The following RGS8 variants were observed in gnomAD, a reference collection of about 807,000 sequenced individuals.
The protein encoded by RGS8 is regulator of G protein signaling 8, also known as regulator of G-protein signaling 8.
A neutral mutation model predicts 21.7 loss-of-function variants in RGS8; 8 were observed. That is an observed-to-expected ratio of 0.37 (90% CI 0.22 to 0.66). The LOEUF (loss-of-function observed/expected upper bound fraction) is 0.66, where lower values mean the gene tolerates loss of function less well. Among genes scored for constraint, RGS8 ranks in the 30% least tolerant of loss-of-function variants. The pLI is 0.59. For missense variants in RGS8, 157 were observed against 217.9 expected (o/e 0.72, Z 1.76); for synonymous variants, 80 against 83.6 (o/e 0.96, Z 0.24).
the RGS8 span, among the ~76,000 whole-genome samples, chr1:182,740,387 C>T: frequency 6.6e-6 from 1 of 152,118 alleles, no homozygotes; most frequent in African/African-American, 2.4e-5. Context: ...TATACAGACA[C>T]ATCTAACTTT....
chr1:182,691,377 A>G, the RGS8 span, among the ~76,000 whole-genome samples: 1 of 152,172 alleles, frequency 6.6e-6, no homozygotes, highest in African/African-American at 2.4e-5. Context: ...ACGAAATGAA[A>G]TCTGGGCTTT....
the RGS8 span, among the ~76,000 whole-genome samples, chr1:182,720,833 A>G: frequency 3.3e-5 from 5 of 150,740 alleles, no homozygotes; most frequent in East Asian, 9.7e-4. Flanking sequence ...ATAATTATAC[A>G]TATATATCTG....
chr1:182,721,185 C>T, the RGS8 span, among the ~76,000 whole-genome samples: 5 of 150,996 alleles, frequency 3.3e-5, no homozygotes, highest in East Asian at 9.7e-4. Flanking sequence ...CATGACAGAA[C>T]CCCCAATTTA....
At chr1:182,749,541 G>A in the RGS8 span, among the ~76,000 whole-genome samples, 1 of 152,066 alleles carries the variant, frequency 6.6e-6, no homozygotes, top group Non-Finnish European at 1.5e-5. Context: ...CTCCAGCTTT[G>A]CTCTTTTTAC....
downstream of RGS8, chr1:182,645,346 T>TA (rs1645291358): frequency 1.3e-5 from 2 of 152,236 alleles, no homozygotes; most frequent in Admixed American, 1.3e-4. Context: ...ACCAGCCTCT[T>TA]ACATGCCCCT....
chr1:182,685,091 C>CA (rs34359463), upstream of RGS8, among the ~76,000 whole-genome samples: 3,974 of 137,016 alleles, frequency 0.029, 63 homozygotes, highest in Non-Finnish European at 0.044. Flanking sequence ...CTCAAAGAGG[C>CA]AAAAAAAAAA....
chr1:182,693,323 C>T, the RGS8 span, among the ~76,000 whole-genome samples: 58 of 152,262 alleles, frequency 3.8e-4, no homozygotes, highest in Admixed American at 2.5e-3. Flanking sequence ...TGAACAGACA[C>T]TTTTCAAAAG....
rs572031148 is a variant in RGS8 at position 182,662,913 on chromosome 1, G to A, written c.193+3056C>T. On this transcript the variant is annotated intron_variant, in intron 5 of 6. Coordinates refer to ENST00000483095, the Ensembl canonical transcript of RGS8. ...TAAATGAGTGCCCAAAACACCCAACGGAACAGGGATGGCAAAGATGTCCTG... is the reference window on the plus strand; with the variant it reads ...TAAATGAGTGCCCAAAACACCCAACAGAACAGGGATGGCAAAGATGTCCTG... Among the ~76,000 whole-genome samples the A allele has an allele frequency of 1.3e-4, 20 of 151,856 alleles. No homozygotes were observed. The South Asian group carries it at 2.7e-3, about 21-fold the overall frequency.
chr1:182,748,769 CTGTTT>C, the RGS8 span, among the ~76,000 whole-genome samples: 2 of 152,062 alleles, frequency 1.3e-5, no homozygotes, highest in Non-Finnish European at 2.9e-5. Flanking sequence ...AGCACTTGTT[CTGTTT>C]TGTCTTTTTT....
the RGS8 span, among the ~76,000 whole-genome samples, chr1:182,720,974 TAC>T: frequency 2.4e-5 from 1 of 42,542 alleles, no homozygotes; most frequent in East Asian, 6.1e-4. Context: ...TGTGTATATA[TAC>T]ATATATACAC....
At chr1:182,691,635 A>AAAC in the RGS8 span, among the ~76,000 whole-genome samples, 3 of 113,196 alleles carry the variant, frequency 2.7e-5, no homozygotes, top group African/African-American at 9.2e-5. Flanking sequence ...AAAAAAAAAA[A>AAAC]CCTCAACAAA....
chr1:182,661,201 T>G (rs1481419460), intron 5 of RGS8, among the ~76,000 whole-genome samples: 1 of 152,010 alleles, frequency 6.6e-6, no homozygotes, highest in African/African-American at 2.4e-5. Context: ...AAAGTTTCTC[T>G]GTGGGTATCC....
At chr1:182,728,813 T>C in the RGS8 span, among the ~76,000 whole-genome samples, 1 of 152,204 alleles carries the variant, frequency 6.6e-6, no homozygotes, top group Admixed American at 6.5e-5. Context: ...AAGTTTACTA[T>C]TTAGAAATAG....
intron 3 of RGS8, 130 bp downstream of exon 4, chr1:182,669,494 T>C: frequency 1.5e-6 from 2 of 1,350,716 alleles, no homozygotes; most frequent in Non-Finnish European, 2.1e-6. Context: ...AGGAGGCCTA[T>C]GGGGACAGAT....
chr1:182,742,067 C>A, the RGS8 span, among the ~76,000 whole-genome samples: 1 of 147,384 alleles, frequency 6.8e-6, no homozygotes, highest in African/African-American at 2.5e-5. Flanking sequence ...CCGGACGGGG[C>A]GGCAGGGCAG....
rs629626 is a variant in RGS8, at chr1:182,655,894, C to T, written c.194-7591G>A. Among the ~76,000 whole-genome samples the T allele has an allele frequency of 2.2e-3, 333 of 152,308 alleles. 1 individual carries two copies. Among genetic ancestry groups the T allele is most frequent in the African/African-American group, 7.4e-3 (309 of 41,560 alleles). On this transcript the variant is annotated intron_variant, in intron 5 of 6. Coordinates refer to ENST00000483095, the Ensembl canonical transcript of RGS8. ...TTTATATACATTAACTCAATCCTTA[C>T]ATCAACGCTCCTAAGCAGACAGAGG... is the stretch of plus-strand genomic sequence containing the variant.
At chr1:182,742,584 C>A in the RGS8 span, among the ~76,000 whole-genome samples, 1 of 152,236 alleles carries the variant, frequency 6.6e-6, no homozygotes, top group Non-Finnish European at 1.5e-5. Flanking sequence ...CAAAAAAATA[C>A]GAAAACCAGT....
chr1:182,729,005 A>G, the RGS8 span, among the ~76,000 whole-genome samples: 1 of 152,368 alleles, frequency 6.6e-6, no homozygotes, highest in African/African-American at 2.4e-5. Flanking sequence ...CATGTAAACA[A>G]TACAATAAAA....
At chr1:182,728,673 A>G in the RGS8 span, among the ~76,000 whole-genome samples, 7 of 152,366 alleles carry the variant, frequency 4.6e-5, no homozygotes, top group Admixed American at 2.6e-4. Flanking sequence ...AAGAAAATCA[A>G]CAGAAGAACT....
Sources: gnomAD v4.1 joint callset for allele counts (sites outside exome capture counted in the v4.1 genomes callset) on GRCh38, gnomAD v4.1.1 for gene constraint, MANE v1.5 for transcripts, NCBI Gene and HGNC (gene_info 2026-07-23, HGNC 2026-07-21) for gene names.